MYBPC1: variants seen among roughly 807,000 people sequenced by gnomAD.
MYBPC1 encodes myosin binding protein C1, also known as myosin-binding protein C, slow-type.
Under a neutral mutation model 147.1 loss-of-function variants are expected in MYBPC1, and 52 were observed. The ratio of observed to expected loss-of-function variants is 0.35; its 90% CI spans 0.28 to 0.45. MYBPC1 has a LOEUF of 0.45. MYBPC1 is among the 20% of genes least tolerant of loss of function. MYBPC1 has a pLI of 1.00. For synonymous variants in MYBPC1, 477 were observed against 475.9 expected, an observed-to-expected ratio of 1.00 and a Z score of -0.03; for missense variants, 1,228 against 1,440.3, an observed-to-expected ratio of 0.85 and a Z score of 2.39.
At chr12:101,624,101 A>G (rs939615950) in intron 3 of MYBPC1, among the ~76,000 whole-genome samples, 3 of 152,246 alleles carry the variant, frequency 2.0e-5, no homozygotes, top group African/African-American at 7.2e-5. Flanking sequence ...ACAAAACAAT[A>G]AAATACAAGC....
chr12:101,678,143 T>C lies in MYBPC1; in HGVS notation c.3151T>C (p.Ser1051Pro). Residue 1051 changes from serine (S) to proline (P), a missense_variant, in exon 28 of 32, where the codon TCA becomes CCA. Ser to Pro is a moderately conservative substitution (Grantham distance 74). This residue lies in a region of MYBPC1 where 1,077 missense variants were observed against 1,314.2 expected (regional missense o/e 0.82). Coordinates refer to ENST00000361466, the MANE Select transcript of MYBPC1 (RefSeq NM_002465.4). ...KNPVYEDFDF[S>P]EAPMFTQPLV... The stretch of plus-strand genomic sequence containing the variant: ...TCCAGTGTATGAAGACTTTGATTTC[T>C]CAGAGGCACCCATGTTTACTCAGCC... 1 of 1,614,042 alleles carries C rather than the reference T, an allele frequency of 6.2e-7. No individual in the cohort carries two copies.
intron 1 of MYBPC1, among the ~76,000 whole-genome samples, chr12:101,599,038 G>A (rs1593564059): frequency 6.6e-6 from 1 of 152,318 alleles, no homozygotes; most frequent in Middle Eastern, 3.4e-3. Context: ...CCTCTTTGGT[G>A]CTTGTGTGTC....
At chr12:101,668,570 T>C (rs7316148) in intron 23 of MYBPC1, among the ~76,000 whole-genome samples, 118,940 of 151,954 alleles carry the variant, frequency 0.78, 48,333 homozygotes, top group East Asian at 0.99. Context: ...AAGCAATTCT[T>C]CTGCCTCAGC....
intron 3 of MYBPC1, among the ~76,000 whole-genome samples, chr12:101,620,076 C>A (rs1336678313): frequency 6.6e-6 from 1 of 152,206 alleles, no homozygotes; most frequent in African/African-American, 2.4e-5. Flanking sequence ...ATCTGGCTAT[C>A]CATCCAGCTA....
In MYBPC1 at chr12:101,684,412, A is replaced by T; in HGVS notation, c.*7A>T. ...GCACAATAAGGATTTTTGAATGTAT[A>T]ATATCATCTAAGGTAAGCTTTCATA... On this transcript the variant is annotated 3_prime_UTR_variant, in exon 31 of 32. Coordinates refer to ENST00000361466, the MANE Select transcript of MYBPC1 (RefSeq NM_002465.4). 6.3e-7 allele frequency: 1 copy of T among 1,586,076 alleles called. No homozygotes were observed. Among genetic ancestry groups the T allele is most frequent in the Non-Finnish European group, 8.6e-7 (1 of 1,162,410 alleles).
intron 2 of MYBPC1, among the ~76,000 whole-genome samples, chr12:101,615,831 T>G (rs923765766): frequency 5.3e-5 from 8 of 152,184 alleles, no homozygotes; most frequent in African/African-American, 1.9e-4. Flanking sequence ...CAAAAACTTA[T>G]GAGGCAATTA....
At position 101,652,841 on chromosome 12, in the gene MYBPC1, T is replaced by C. The variant is rs1894765878; in HGVS notation, c.1633+57T>C. ...GTGTTCTTTTTTGTTTGCTTTTGCT[T>C]ACCATGGAATTATAATATATTCAAA... On this transcript the variant is annotated intron_variant, in intron 17 of 31. Transcript: ENST00000361466. The C allele has an allele frequency of 3.5e-6, 5 of 1,408,618 alleles. No individual in the cohort carries two copies. In the African/African-American group the frequency reaches 5.7e-5, roughly 16 times the overall value. The allele number at this position is 1,408,618 out of a possible 1,614,324, so 87.3% of individuals were successfully genotyped here.
chr12:101,664,954 A>C (rs1231927575), intron 22 of MYBPC1, among the ~76,000 whole-genome samples: 10 of 152,220 alleles, frequency 6.6e-5, no homozygotes, highest in Admixed American at 6.5e-4. Context: ...TGTATTGTCC[A>C]GCCAGCAGAA....
At position 101,684,412 on chromosome 12, in the gene MYBPC1, A is replaced by G; in HGVS notation, c.*7A>G. On this transcript the variant is annotated 3_prime_UTR_variant, in exon 31 of 32. Coordinates refer to ENST00000361466, the MANE Select transcript of MYBPC1 (RefSeq NM_002465.4). ...GCACAATAAGGATTTTTGAATGTAT[A>G]ATATCATCTAAGGTAAGCTTTCATA... 1.3e-6 allele frequency: 2 copies of G among 1,586,076 alleles called. No individual in the cohort carries two copies. Among genetic ancestry groups the G allele is most frequent in the African/African-American group, 2.7e-5 (2 of 74,536 alleles).
intron 8 of MYBPC1, among the ~76,000 whole-genome samples, chr12:101,633,708 G>A (rs576815387): frequency 4.6e-5 from 7 of 151,566 alleles, no homozygotes; most frequent in African/African-American, 1.7e-4. Context: ...AAAAGGACGA[G>A]CTCTTCGGTT....
intron 3 of MYBPC1, among the ~76,000 whole-genome samples, chr12:101,624,683 A>ATTTTTTTTTTTTTTTTTTTTTTTTTTTTT (rs57175970): frequency 3.0e-5 from 3 of 99,104 alleles, no homozygotes; most frequent in African/African-American, 8.3e-5. Flanking sequence ...CGGCTAATTA[A>ATTTTTTTTTTTTTTTTTTTTTTTTTTTTT]TTTTTTTTTT....
chr12:101,597,359 G>A (rs1373294314), intron 1 of MYBPC1, among the ~76,000 whole-genome samples: 1 of 152,158 alleles, frequency 6.6e-6, no homozygotes, highest in Non-Finnish European at 1.5e-5. Flanking sequence ...ATGACCACTT[G>A]CTGTGAATCT....
rs1261310481 is a variant in MYBPC1 at position 101,626,106 on chromosome 12, AAAAAAAT to A, written c.104-765_104-759del. Reference sequence around the variant, plus strand: ...TCTGTCTCAAAAAAAAAAAAAAAAAAAAAAAATTTATCCTTCTACTGAAGTTTTTAGG... The same window carrying A: ...TCTGTCTCAAAAAAAAAAAAAAAAAATTATCCTTCTACTGAAGTTTTTAGG... On this transcript the variant is annotated intron_variant, in intron 3 of 31. Coordinates refer to ENST00000361466, the MANE Select transcript of MYBPC1 (RefSeq NM_002465.4). Among the ~76,000 whole-genome samples, 6 of 151,202 alleles carry A rather than the reference AAAAAAAT, an allele frequency of 4.0e-5. No individual in the cohort carries two copies. The East Asian group carries it at 1.2e-3, about 29-fold the overall frequency.
At chr12:101,656,452 G>A (rs1895557740) in intron 18 of MYBPC1, among the ~76,000 whole-genome samples, 3 of 152,080 alleles carry the variant, frequency 2.0e-5, no homozygotes. Context: ...TTGACTATAA[G>A]AAACCCAGTT....
At chr12:101,614,465 C>T in intron 1 of MYBPC1, 31 bp from the exon 2 acceptor site, 1 of 1,613,536 alleles carries the variant, frequency 6.2e-7, no homozygotes, top group Non-Finnish European at 8.5e-7. Flanking sequence ...ATAAATGAGC[C>T]TGACATTTCC....
chr12:101,651,168 G>A, intron 15 of MYBPC1, 63 bp from the exon 16 acceptor site: 2 of 1,574,606 alleles, frequency 1.3e-6, no homozygotes, highest in Non-Finnish European at 1.7e-6. Flanking sequence ...ATTGTGAAAT[G>A]CCACCATCTT....
intron 3 of MYBPC1, among the ~76,000 whole-genome samples, chr12:101,620,794 C>T (rs1342174803): frequency 1.3e-5 from 2 of 152,146 alleles, no homozygotes; most frequent in Non-Finnish European, 2.9e-5. Flanking sequence ...TTTATTTTTA[C>T]ATCTTATTAG....
chr12:101,629,625 C>A (rs1384284925), intron 6 of MYBPC1, 81 bp downstream of exon 6: 2 of 900,074 alleles, frequency 2.2e-6, no homozygotes, highest in Non-Finnish European at 3.4e-6. Context: ...GTAATCCCAG[C>A]ACTCTGGGAG....
chr12:101,620,233 A>G (rs59087862), intron 3 of MYBPC1, among the ~76,000 whole-genome samples: 19,326 of 152,292 alleles, frequency 0.13, 1,415 homozygotes, highest in African/African-American at 0.18. Context: ...GAGGAATCAT[A>G]CCAGGAGGCA....
Sources: allele counts gnomAD v4.1 joint callset (sites outside exome capture counted in the v4.1 genomes callset), GRCh38; gene constraint gnomAD v4.1.1; regional missense constraint gnomAD v4.1.1; transcripts MANE v1.5; gene names NCBI Gene and HGNC (gene_info 2026-07-23, HGNC 2026-07-21).